Variants in COL12A1 observed in about 807,000 individuals in gnomAD.
COL12A1 encodes collagen alpha-1(XII) chain.
COL12A1 carries 114 observed loss-of-function variants against 349.7 expected under a neutral mutation model. The observed-to-expected ratio is 0.33, with a 90% CI of 0.28 to 0.38. COL12A1 has a LOEUF of 0.38. Among genes scored for constraint, COL12A1 ranks in the 10% least tolerant of loss-of-function variants. COL12A1 has a pLI of 1.00. For synonymous variants in COL12A1, 1,369 were observed against 1,329.0 expected, an observed-to-expected ratio of 1.03 and a Z score of -0.66; for missense variants, 3,284 against 3,756.9, an observed-to-expected ratio of 0.87 and a Z score of 3.29.
rs752533898 is a variant in COL12A1, at chr6:75,133,428, G to A, written c.5665-6C>T. The A allele has an allele frequency of 6.3e-7, 1 of 1,595,068 alleles. No individual in the cohort carries two copies. Among genetic ancestry groups the A allele is most frequent in the South Asian group, 1.2e-5 (1 of 86,360 alleles). ...GTATTCCCGGGGATTGGTACCTAAAGATTTTAATAAAACAAAAAGCATTGA... is the reference window on the plus strand; with the variant it reads ...GTATTCCCGGGGATTGGTACCTAAAAATTTTAATAAAACAAAAAGCATTGA... On this transcript the variant is annotated splice_region_variant and splice_polypyrimidine_tract_variant and intron_variant, in intron 33 of 65. Transcript: ENST00000322507.
chr6:75,159,301 A>T (rs1767913608), intron 14 of COL12A1, among the ~76,000 whole-genome samples: 1 of 150,632 alleles, frequency 6.6e-6, no homozygotes, highest in Non-Finnish European at 1.5e-5. Flanking sequence ...AACTAAGAGA[A>T]CTCTCAGTGA....
At chr6:75,192,732 T>C (rs1339396205) in intron 3 of COL12A1, among the ~76,000 whole-genome samples, 1 of 151,954 alleles carries the variant, frequency 6.6e-6, no homozygotes, top group Non-Finnish European at 1.5e-5. Flanking sequence ...AAATTATGCA[T>C]TGGAGGAGAG....
Position 75,175,402 on chromosome 6 carries a change from C to T in COL12A1, c.2438-92G>A, listed in dbSNP as rs73747438. ...TTACTTTACTTATGCATGTGCACTA[C>T]ATCAAAGTTATATCCTGGGTGAGAC... On this transcript the variant is annotated intron_variant, in intron 12 of 65. Transcript: ENST00000322507. The T allele has an allele frequency of 1.3e-3, 1,812 of 1,395,996 alleles. 12 individuals carry two copies. The African/African-American group carries it at 0.024, about 19-fold the overall frequency. 86.5% of individuals were successfully genotyped at this position (1,395,996 alleles called of 1,614,324 possible).
chr6:75,203,569 T>C (rs1461270385), intron 1 of COL12A1, among the ~76,000 whole-genome samples: 1 of 152,212 alleles, frequency 6.6e-6, no homozygotes, highest in Non-Finnish European at 1.5e-5. Flanking sequence ...TGTATTTAAC[T>C]GTTTATTTAA....
At chr6:75,123,446 A>G in intron 42 of COL12A1, 42 bp from the exon 43 acceptor site, 1 of 1,434,244 alleles carries the variant, frequency 7.0e-7, no homozygotes, top group Non-Finnish European at 9.5e-7. Flanking sequence ...CACCATGTGC[A>G]CATTTGATAT....
Position 75,189,807 on chromosome 6 carries a change from C to T in COL12A1, c.403G>A (p.Val135Ile). Residue 135 changes from valine (V) to isoleucine (I), a missense_variant, in exon 6 of 66, where the codon GTC becomes ATC. Val to Ile is a conservative substitution (Grantham distance 29, BLOSUM62 3). Coordinates refer to ENST00000322507, the MANE Select transcript of COL12A1 (RefSeq NM_004370.6). ...PGKTEIQKCS[V>I]SAWTDLVFLV... ...AAAACCAAATCAGTCCAGGCACTGA[C>T]AGAGCATTCTGAAATACATTTGATA... The T allele has an allele frequency of 6.2e-7, 1 of 1,611,898 alleles. No individual in the cohort carries two copies. The highest frequency in any genetic ancestry group is 1.3e-5 in the African/African-American group (1 of 74,924).
At chr6:75,168,871 C>T (rs1188423484) in intron 13 of COL12A1, among the ~76,000 whole-genome samples, 1 of 152,138 alleles carries the variant, frequency 6.6e-6, no homozygotes, top group Non-Finnish European at 1.5e-5. Flanking sequence ...TGGTCAAAAT[C>T]ATTACACACA....
chr6:75,084,495 G>GA lies in COL12A1; in HGVS notation c.*2051dup, dbSNP rs1309828597. On this transcript the variant is annotated 3_prime_UTR_variant, in exon 66 of 66. Coordinates refer to ENST00000322507, the MANE Select transcript of COL12A1 (RefSeq NM_004370.6). Reference sequence around the variant, plus strand: ...TGATAACTAAGAAATATTATATTCTGAAAAAAGTTCATACTAAATATACAA... The same window carrying GA: ...TGATAACTAAGAAATATTATATTCTGAAAAAAAGTTCATACTAAATATACAA... The GA allele has an allele frequency of 6.6e-6, 1 of 152,548 alleles. No individual in the cohort carries two copies. Among genetic ancestry groups the GA allele is most frequent in the Non-Finnish European group, 1.5e-5 (1 of 68,020 alleles). 9.4% of individuals were successfully genotyped at this position (152,548 alleles called of 1,614,324 possible). A position where few individuals can be genotyped will look rare whatever the true frequency, so the allele number is the denominator to read the frequency against.
intron 4 of COL12A1, among the ~76,000 whole-genome samples, chr6:75,191,977 C>T (rs1017898915): frequency 2.0e-5 from 3 of 151,822 alleles, no homozygotes; most frequent in African/African-American, 7.3e-5. Context: ...CATTGTTGTC[C>T]AGCAAAGTTT....
rs773077121 is a variant in COL12A1, at chr6:75,148,407, T to C, written c.4238A>G (p.Asp1413Gly). The part of the protein sequence containing the change: ...VSWTPPSDSV[D>G]RYKVEYYPVS... Reference sequence around the variant, plus strand: ...TGGATAGTATTCCACCTTATATCGATCCACACTGTCAGAAGGTGGTGTCCA... The same window carrying C: ...TGGATAGTATTCCACCTTATATCGACCCACACTGTCAGAAGGTGGTGTCCA... Residue 1413 changes from aspartate to glycine, a missense_variant, in exon 22 of 66, where the codon GAT becomes GGT. By Grantham distance (94) the Asp-to-Gly change is moderately conservative. Coordinates refer to ENST00000322507, the MANE Select transcript of COL12A1 (RefSeq NM_004370.6). 1.2e-6 allele frequency: 2 copies of C among 1,613,580 alleles called. No homozygotes were observed. Among genetic ancestry groups the C allele is most frequent in the Non-Finnish European group, 1.7e-6 (2 of 1,179,590 alleles).
intron 8 of COL12A1, among the ~76,000 whole-genome samples, chr6:75,184,970 GCCTC>G (rs895256605): frequency 6.6e-6 from 1 of 151,992 alleles, no homozygotes; most frequent in African/African-American, 2.4e-5. Context: ...TTTACACATC[GCCTC>G]CTCAAAAAAG....
chr6:75,153,255 C>A (rs906352291), intron 17 of COL12A1, among the ~76,000 whole-genome samples: 2 of 151,930 alleles, frequency 1.3e-5, no homozygotes, highest in African/African-American at 4.8e-5. Context: ...AACAAATATA[C>A]AAATTGAGAG....
intron 45 of COL12A1, 24 bp from the exon 46 acceptor site, chr6:75,119,210 T>G: frequency 6.2e-7 from 1 of 1,613,722 alleles, no homozygotes; most frequent in East Asian, 2.2e-5. Flanking sequence ...CATGGAAAAT[T>G]TTAGTGTCAC....
intron 14 of COL12A1, among the ~76,000 whole-genome samples, chr6:75,161,124 G>A (rs1294790351): frequency 6.6e-6 from 1 of 152,026 alleles, no homozygotes; most frequent in Non-Finnish European, 1.5e-5. Context: ...GGACGCACCA[G>A]CTCACCTAAC....
intron 31 of COL12A1, 115 bp from the exon 32 acceptor site, chr6:75,134,970 T>A (rs944960195): frequency 2.7e-6 from 3 of 1,101,976 alleles, no homozygotes; most frequent in Non-Finnish European, 3.8e-6. Flanking sequence ...AGTTCCAGAA[T>A]TACATACCAC....
chr6:75,139,801 C>T (rs937736839), intron 27 of COL12A1, among the ~76,000 whole-genome samples: 5 of 152,146 alleles, frequency 3.3e-5, no homozygotes, highest in Admixed American at 3.3e-4. Flanking sequence ...GCTGAAATCC[C>T]CTTTCACAAC....
intron 53 of COL12A1, among the ~76,000 whole-genome samples, 184 bp downstream of exon 53, chr6:75,106,235 T>C (rs1399738054): frequency 6.6e-6 from 1 of 152,198 alleles, no homozygotes; most frequent in Non-Finnish European, 1.5e-5. Flanking sequence ...ATTACCAGCT[T>C]GTGAGGGAGG....
chr6:75,202,925 T>C (rs1449465815), intron 1 of COL12A1, 98 bp from the exon 2 acceptor site: 2 of 732,694 alleles, frequency 2.7e-6, no homozygotes, highest in Non-Finnish European at 4.5e-6. Flanking sequence ...CCCGACCAGA[T>C]CTGCCTTAAA....
intron 14 of COL12A1, among the ~76,000 whole-genome samples, chr6:75,162,415 T>C (rs1013770431): frequency 6.6e-6 from 1 of 152,186 alleles, no homozygotes; most frequent in African/African-American, 2.4e-5. Context: ...GGGGAAAGGA[T>C]TCCCTATTTA....
Sources: allele counts gnomAD v4.1 joint callset (sites outside exome capture counted in the v4.1 genomes callset), GRCh38; gene constraint gnomAD v4.1.1; transcripts MANE v1.5; gene names NCBI Gene and HGNC (gene_info 2026-07-23, HGNC 2026-07-21).